C4orf50: variants seen among roughly 807,000 people sequenced by gnomAD.
C4orf50 encodes the protein uncharacterized protein C4orf50.
C4orf50 carries 80 observed loss-of-function variants against 77.2 expected under a neutral mutation model. The ratio of observed to expected loss-of-function variants is 1.04; its 90% CI spans 0.87 to 1.25. The LOEUF (loss-of-function observed/expected upper bound fraction) is 1.25, where lower values mean the gene tolerates loss of function less well. C4orf50 is among the 50% of genes most tolerant of loss of function. The pLI, the probability that C4orf50 is intolerant of heterozygous loss-of-function variation, is 0.00. For synonymous variants in C4orf50, 532 were observed against 465.3 expected, an observed-to-expected ratio of 1.14 and a Z score of -1.84; for missense variants, 1,257 against 1,152.9, an observed-to-expected ratio of 1.09 and a Z score of -1.31.
At chr4:5,941,955 C>T (rs1718287503) in intron 7 of C4orf50, among the ~76,000 whole-genome samples, 1 of 152,176 alleles carries the variant, frequency 6.6e-6, no homozygotes, top group Non-Finnish European at 1.5e-5. Flanking sequence ...TGGTTTCAGT[C>T]CCAAAAGCGC....
At chr4:5,943,160 C>T (rs1023270264) in intron 7 of C4orf50, among the ~76,000 whole-genome samples, 11 of 152,182 alleles carry the variant, frequency 7.2e-5, no homozygotes, top group Middle Eastern at 3.2e-3. Context: ...CATTTGGCCT[C>T]GTTCCTCACA....
rs796079780 is a variant in C4orf50, at chr4:6,009,324, C to G, written c.427-792G>C. On this transcript the variant is annotated intron_variant, in intron 24 of 33. Transcript: ENST00000531445. The surrounding 1 kb of genome is among the most constrained non-coding windows in gnomAD (Gnocchi z 5.6). The stretch of plus-strand genomic sequence containing the variant: ...TAATTCAAGCAAAGGGATAGAACTA[C>G]GTCTACGTTAATCTTTCAACTACTG... Among the ~76,000 whole-genome samples the G allele has an allele frequency of 6.6e-6, 1 of 152,220 alleles. No individual in the cohort carries two copies. The highest frequency in any genetic ancestry group is 2.4e-5 in the African/African-American group (1 of 41,460).
chr4:5,910,361 T>C (rs1179227933), intron 7 of C4orf50, among the ~76,000 whole-genome samples: 1 of 152,204 alleles, frequency 6.6e-6, no homozygotes, highest in African/African-American at 2.4e-5. Context: ...GAATTAAATC[T>C]AAAATTTAAG....
intron 27 of C4orf50, among the ~76,000 whole-genome samples, chr4:5,991,439 G>C (rs896239991): frequency 6.6e-6 from 1 of 152,166 alleles, no homozygotes; most frequent in East Asian, 1.9e-4. Flanking sequence ...CTTCATCTTT[G>C]TTCAACTCCT....
intron 24 of C4orf50, among the ~76,000 whole-genome samples, chr4:6,010,008 G>A (rs1722425429): frequency 1.3e-5 from 2 of 152,146 alleles, no homozygotes; most frequent in South Asian, 2.1e-4. Flanking sequence ...AGAAACTGCT[G>A]GTCCCTGCAG....
chr4:5,987,485 AAAT>A (rs1720938621), intron 28 of C4orf50, among the ~76,000 whole-genome samples: 1 of 151,728 alleles, frequency 6.6e-6, no homozygotes, highest in African/African-American at 2.4e-5. Flanking sequence ...TACAAACAAT[AAAT>A]AAAATCAATA....
downstream of C4orf50, among the ~76,000 whole-genome samples, chr4:5,954,343 C>A (rs1718856568): frequency 6.6e-6 from 1 of 152,128 alleles, no homozygotes; most frequent in South Asian, 2.1e-4. The surrounding 1 kb of genome is among the most constrained non-coding windows in gnomAD (Gnocchi z 4.7). Flanking sequence ...CAGCTGGGAG[C>A]CCAGCTCCCC....
Position 6,011,716 on chromosome 4 carries a change from A to C in C4orf50, c.426+114T>G, listed in dbSNP as rs551599789. On this transcript the variant is annotated intron_variant, in intron 24 of 33. Coordinates refer to ENST00000531445, the Ensembl canonical transcript of C4orf50. This position sits in a 1 kb window ranked among gnomAD's most constrained non-coding sequence, Gnocchi z 4.2. The stretch of plus-strand genomic sequence containing the variant: ...ACGTAGGATCTCTCTAACCCTCCTG[A>C]CTGGGCTCTCCCAGGCCCACCCTGT... 3 of 398,026 alleles carry C rather than the reference A, an allele frequency of 7.5e-6. No individual in the cohort carries two copies. In the South Asian group the frequency reaches 4.1e-4, roughly 54 times the overall value. 24.7% of individuals were successfully genotyped at this position (398,026 alleles called of 1,614,324 possible). A position where few individuals can be genotyped will look rare whatever the true frequency, so the allele number is the denominator to read the frequency against.
intron 7 of C4orf50, among the ~76,000 whole-genome samples, chr4:5,906,862 G>C (rs2152480487): frequency 6.6e-6 from 1 of 152,280 alleles, no homozygotes; most frequent in South Asian, 2.1e-4. Context: ...AAATAAACCA[G>C]ATTTAAATCC....
intron 7 of C4orf50, among the ~76,000 whole-genome samples, chr4:5,929,255 T>A (rs898107973): frequency 5.3e-5 from 8 of 152,186 alleles, no homozygotes; most frequent in Admixed American, 2.0e-4. Flanking sequence ...CTAGTACCAG[T>A]CAGTTTTCAA....
chr4:5,940,365 C>T (rs1001424606), intron 7 of C4orf50, among the ~76,000 whole-genome samples: 1 of 152,230 alleles, frequency 6.6e-6, no homozygotes, highest in Non-Finnish European at 1.5e-5. Context: ...CTGCAATTCT[C>T]ACTGACAGAA....
At chr4:5,945,384 C>G (rs1256515002) in intron 7 of C4orf50, among the ~76,000 whole-genome samples, 2 of 152,242 alleles carry the variant, frequency 1.3e-5, no homozygotes, top group African/African-American at 4.8e-5. Flanking sequence ...AGGGGACTCA[C>G]TTCATTTTCT....
At chr4:6,006,742 C>T (rs1227040317) in intron 25 of C4orf50, among the ~76,000 whole-genome samples, 1 of 152,114 alleles carries the variant, frequency 6.6e-6, no homozygotes, top group Non-Finnish European at 1.5e-5. Flanking sequence ...AATATGCAAA[C>T]CAGGAAGGGA....
intron 7 of C4orf50, among the ~76,000 whole-genome samples, chr4:5,918,012 G>A (rs2108735446): frequency 6.6e-6 from 1 of 152,234 alleles, no homozygotes; most frequent in African/African-American, 2.4e-5. Flanking sequence ...ATGATTCTAG[G>A]GCCCCGAGGG....
intron 7 of C4orf50, among the ~76,000 whole-genome samples, chr4:5,922,373 G>T (rs1717316087): frequency 6.6e-6 from 1 of 152,198 alleles, no homozygotes; most frequent in Non-Finnish European, 1.5e-5. Flanking sequence ...TAACCTTGTG[G>T]GTCGGGTAAC....
chr4:5,973,347 C>T (rs1365714842), intron 31 of C4orf50, among the ~76,000 whole-genome samples: 1 of 152,240 alleles, frequency 6.6e-6, no homozygotes, highest in African/African-American at 2.4e-5. Flanking sequence ...CAGGTCCCGG[C>T]ACAAAAGACC....
In C4orf50 at chr4:6,000,727, C is replaced by T. The variant is rs1020612327; in HGVS notation, c.964-6251G>A. 6.6e-6 allele frequency among the ~76,000 whole-genome samples: 1 copy of T among 152,144 alleles called. No homozygotes were observed. The highest frequency in any genetic ancestry group is 1.9e-4 in the East Asian group (1 of 5,180). On this transcript the variant is annotated intron_variant, in intron 25 of 33. Transcript: ENST00000531445. The surrounding 1 kb of genome is among the most constrained non-coding windows in gnomAD (Gnocchi z 6.0). ...TGAGCTCAGACTGGAGCCAAGCACA[C>T]GCACCAAGTGGGTACCATCAAATCC...
intron 28 of C4orf50, among the ~76,000 whole-genome samples, chr4:5,982,710 T>TTGGGAGGAGACACACATGAGC (rs1265314542): frequency 6.6e-6 from 1 of 150,960 alleles, no homozygotes; most frequent in Admixed American, 6.6e-5. Context: ...GAAGGCAGAG[T>TTGGGAGGAGACACACATGAGC]TGGGAGGAGA....
At chr4:5,964,744 G>A (rs1308934171) in intron 33 of C4orf50, among the ~76,000 whole-genome samples, 1 of 127,786 alleles carries the variant, frequency 7.8e-6, no homozygotes, top group Admixed American at 8.4e-5. Flanking sequence ...CTCCAGCCTG[G>A]GTAACAGAGC....
Sources: allele counts gnomAD v4.1 joint callset (sites outside exome capture counted in the v4.1 genomes callset), GRCh38; gene constraint gnomAD v4.1.1; non-coding constraint Gnocchi (gnomAD v3.1); transcripts MANE v1.5; gene names NCBI Gene and HGNC (gene_info 2026-07-23, HGNC 2026-07-21).